The following TTLL7 variants were observed in gnomAD, a reference collection of about 807,000 sequenced individuals.
TTLL7 encodes tubulin tyrosine ligase like 7.
TTLL7 carries 53 observed loss-of-function variants against 120.2 expected under a neutral mutation model. That is an observed-to-expected ratio of 0.44 (90% CI 0.35 to 0.55). The LOEUF (loss-of-function observed/expected upper bound fraction) is 0.55. TTLL7 is among the 20% of genes least tolerant of loss of function. The pLI is 0.00. For synonymous variants in TTLL7, 353 were observed against 351.7 expected (o/e 1.00, Z -0.04); for missense variants, 803 against 1,054.7 (o/e 0.76, Z 3.31).
intron 1 of TTLL7, among the ~76,000 whole-genome samples, chr1:83,997,066 C>T (rs985333832): frequency 6.6e-6 from 1 of 152,190 alleles, no homozygotes. Flanking sequence ...CCCCACTTCT[C>T]ATACTCTTGT....
intron 19 of TTLL7, among the ~76,000 whole-genome samples, chr1:83,886,043 C>G (rs1654946374): frequency 6.6e-6 from 1 of 151,956 alleles, no homozygotes; most frequent in South Asian, 2.1e-4. Context: ...CTTTAAATGA[C>G]TTTTTTAAGT....
chr1:83,924,152 C>T (rs1190569770), intron 10 of TTLL7, among the ~76,000 whole-genome samples: 3 of 152,190 alleles, frequency 2.0e-5, no homozygotes, highest in East Asian at 1.9e-4. Flanking sequence ...CCATTACCCT[C>T]GAGGAGCTGA....
chr1:83,897,518 G>A lies in TTLL7; in HGVS notation c.2208+6561C>T, dbSNP rs535894105. Among the ~76,000 whole-genome samples the A allele has an allele frequency of 2.8e-4, 43 of 152,204 alleles. 1 individual carries two copies. The South Asian group carries it at 8.3e-3, about 29-fold the overall frequency. Reference sequence around the variant, plus strand: ...GGAGATGTGCCACTTAAATTAACATGTTTCAAAGAATGCAGTTAGCTGATG... The same window carrying A: ...GGAGATGTGCCACTTAAATTAACATATTTCAAAGAATGCAGTTAGCTGATG... On this transcript the variant is annotated intron_variant, in intron 18 of 20. Transcript: ENST00000260505.
intron 19 of TTLL7, among the ~76,000 whole-genome samples, chr1:83,885,734 C>A (rs1375819070): frequency 3.3e-5 from 5 of 152,118 alleles, no homozygotes; most frequent in Non-Finnish European, 5.9e-5. Flanking sequence ...GAACTGTATC[C>A]CCTACTCCTA....
At chr1:83,887,671 G>A (rs2100719757) in intron 19 of TTLL7, among the ~76,000 whole-genome samples, 1 of 152,164 alleles carries the variant, frequency 6.6e-6, no homozygotes, top group South Asian at 2.1e-4. Flanking sequence ...AGTAAAACAA[G>A]CTTGGCAACC....
chr1:83,971,412 T>C (rs1650961323), intron 1 of TTLL7, among the ~76,000 whole-genome samples: 1 of 152,170 alleles, frequency 6.6e-6, no homozygotes, highest in African/African-American at 2.4e-5. Flanking sequence ...AATTAAATGC[T>C]TTGATAAGGC....
chr1:83,934,710 T>C (rs370490956), intron 8 of TTLL7, among the ~76,000 whole-genome samples: 1 of 152,196 alleles, frequency 6.6e-6, no homozygotes, highest in Non-Finnish European at 1.5e-5. Context: ...TCTACAGGTA[T>C]AGGCAATAGA....
At chr1:83,993,022 A>G (rs1057164927) in intron 1 of TTLL7, among the ~76,000 whole-genome samples, 3 of 152,176 alleles carry the variant, frequency 2.0e-5, no homozygotes, top group African/African-American at 7.2e-5. Flanking sequence ...TAGTAATGAC[A>G]AAATACACAT....
chr1:83,935,799 G>T (rs1186253948), intron 8 of TTLL7, among the ~76,000 whole-genome samples: 1 of 152,054 alleles, frequency 6.6e-6, no homozygotes, highest in Non-Finnish European at 1.5e-5. Flanking sequence ...ACCTCGTCCT[G>T]TCATTCTCTT....
At chr1:83,946,260 C>A (rs1022447780) in intron 6 of TTLL7, 3 of 152,130 alleles carry the variant, frequency 2.0e-5, no homozygotes, top group Non-Finnish European at 2.9e-5. Flanking sequence ...ACTGTGTTAG[C>A]CAGGATGGTC....
chr1:83,947,500 C>A, intron 5 of TTLL7: 1 of 452,516 alleles, frequency 2.2e-6, no homozygotes, highest in East Asian at 4.3e-5. Flanking sequence ...AAAAAAACAA[C>A]CTTGCCCTAA....
At chr1:83,897,782 A>C (rs1047934233) in intron 18 of TTLL7, among the ~76,000 whole-genome samples, 1 of 150,276 alleles carries the variant, frequency 6.7e-6, no homozygotes, top group Admixed American at 6.7e-5. Flanking sequence ...CATTCACTGG[A>C]GTCAGACCTG....
Position 83,869,884 on chromosome 1 carries a change from T to G in TTLL7, c.*78A>C, listed in dbSNP as rs1653179837. 17 of 1,549,384 alleles carry G rather than the reference T, an allele frequency of 1.1e-5. No individual in the cohort carries two copies. The highest frequency in any genetic ancestry group is 1.5e-5 in the Non-Finnish European group (17 of 1,147,730). On this transcript the variant is annotated 3_prime_UTR_variant, in exon 21 of 21. Coordinates refer to ENST00000260505, the MANE Select transcript of TTLL7 (RefSeq NM_024686.6). ...TACATAAAACAGCACTTAATGGTCA[T>G]GTTCTTTGCATGTTCAACTTCAGAG...
At chr1:83,985,356 T>A (rs2100623425) in intron 1 of TTLL7, among the ~76,000 whole-genome samples, 1 of 152,282 alleles carries the variant, frequency 6.6e-6, no homozygotes, top group African/African-American at 2.4e-5. Context: ...GCCAGAAGGC[T>A]CAGCAAGCAA....
chr1:83,872,644 G>A (rs1000920931), intron 20 of TTLL7, among the ~76,000 whole-genome samples: 5 of 152,258 alleles, frequency 3.3e-5, no homozygotes, highest in African/African-American at 9.6e-5. Context: ...TGACATTTCA[G>A]TAACATTTAC....
intron 9 of TTLL7, among the ~76,000 whole-genome samples, chr1:83,931,924 C>T (rs1306608996): frequency 6.6e-6 from 1 of 152,030 alleles, no homozygotes. Context: ...GAGCAAAACA[C>T]AAGGCAAGAT....
intron 12 of TTLL7, 37 bp downstream of exon 12, chr1:83,921,050 A>G (rs200907490): frequency 1.3e-6 from 2 of 1,570,252 alleles, no homozygotes; most frequent in East Asian, 2.2e-5. Context: ...TTGATACTTC[A>G]TTTTTTCAAT....
chr1:83,964,673 G>A (rs1356688444), intron 1 of TTLL7, among the ~76,000 whole-genome samples: 3 of 152,058 alleles, frequency 2.0e-5, no homozygotes, highest in African/African-American at 7.2e-5. Flanking sequence ...GAGCTTTGCA[G>A]CTTTCAGAGC....
At chr1:83,899,653 A>C (rs1043056472) in intron 18 of TTLL7, among the ~76,000 whole-genome samples, 2 of 152,000 alleles carry the variant, frequency 1.3e-5, no homozygotes, top group African/African-American at 2.4e-5. Flanking sequence ...CTTTTCCTGA[A>C]GACTGAATAC....
Sources: gnomAD v4.1 joint callset for allele counts (sites outside exome capture counted in the v4.1 genomes callset) on GRCh38, gnomAD v4.1.1 for gene constraint, MANE v1.5 for transcripts, NCBI Gene and HGNC (gene_info 2026-07-23, HGNC 2026-07-21) for gene names.